CNTNAP4: variants seen among roughly 807,000 people sequenced by gnomAD.
CNTNAP4 encodes contactin associated protein family member 4.
Under a neutral mutation model 148.4 loss-of-function variants are expected in CNTNAP4, and 98 were observed. The ratio of observed to expected loss-of-function variants is 0.66; its 90% CI spans 0.56 to 0.78. The LOEUF (loss-of-function observed/expected upper bound fraction) is 0.78, where lower values mean the gene tolerates loss of function less well. Among genes scored for constraint, CNTNAP4 ranks in the 30% least tolerant of loss-of-function variants. CNTNAP4 has a pLI of 0.00. For synonymous variants in CNTNAP4, 730 were observed against 565.1 expected, an observed-to-expected ratio of 1.29 and a Z score of -4.14; for missense variants, 1,935 against 1,565.6, an observed-to-expected ratio of 1.24 and a Z score of -3.98.
chr16:76,347,565 T>G (rs974827528), intron 2 of CNTNAP4, among the ~76,000 whole-genome samples: 1 of 151,670 alleles, frequency 6.6e-6, no homozygotes, highest in African/African-American at 2.4e-5. Context: ...CAAATGGGAG[T>G]AGGACTGCGG....
chr16:76,406,885 T>G (rs2078615694), intron 3 of CNTNAP4, among the ~76,000 whole-genome samples: 1 of 152,140 alleles, frequency 6.6e-6, no homozygotes, highest in South Asian at 2.1e-4. Context: ...CAGCAAATCC[T>G]TAGGATGAAG....
intron 3 of CNTNAP4, among the ~76,000 whole-genome samples, chr16:76,412,396 A>T (rs1281949909): frequency 6.6e-6 from 1 of 151,440 alleles, no homozygotes; most frequent in African/African-American, 2.4e-5. Context: ...CTCATAAAAA[A>T]TGTATATATT....
At position 76,467,427 on chromosome 16, in the gene CNTNAP4, C is replaced by G; in HGVS notation, c.1559C>G (p.Ser520Cys). 1.2e-6 allele frequency: 2 copies of G among 1,613,874 alleles called. No homozygotes were observed. The highest frequency in any genetic ancestry group is 1.7e-6 in the Non-Finnish European group (2 of 1,179,846). ...GGFQGCMRLI[S>C]ISGKVVDLIS... Reference sequence around the variant, plus strand: ...TTTCAGGGATGTATGAGGCTCATTTCTATCAGCGGCAAAGTGGTAGATCTG... The same window carrying G: ...TTTCAGGGATGTATGAGGCTCATTTGTATCAGCGGCAAAGTGGTAGATCTG... Residue 520 changes from serine (S) to cysteine (C), a missense_variant, in exon 10 of 24, where the codon TCT becomes TGT. Coordinates refer to ENST00000611870, the MANE Select transcript of CNTNAP4 (RefSeq NM_033401.5).
chr16:76,529,998 T>C lies in CNTNAP4; in HGVS notation c.2756-5547T>C, dbSNP rs139442698. Among the ~76,000 whole-genome samples the C allele has an allele frequency of 4.7e-3, 710 of 152,282 alleles. 4 individuals are homozygous for C. The highest frequency in any genetic ancestry group is 0.017 in the African/African-American group (690 of 41,566). ...CCATTGGATAGCTTCCTTTATAAAGTGGCTGTTCAGATCTGTTGCCCGTTT... is the reference window on the plus strand; with the variant it reads ...CCATTGGATAGCTTCCTTTATAAAGCGGCTGTTCAGATCTGTTGCCCGTTT... On this transcript the variant is annotated intron_variant, in intron 17 of 23. Coordinates refer to ENST00000611870, the MANE Select transcript of CNTNAP4 (RefSeq NM_033401.5).
At chr16:76,445,479 T>C (rs1160319273) in intron 4 of CNTNAP4, among the ~76,000 whole-genome samples, 2 of 152,176 alleles carry the variant, frequency 1.3e-5, no homozygotes, top group Non-Finnish European at 2.9e-5. Flanking sequence ...TAGAATTGCA[T>C]TGTCGTGTAC....
At chr16:76,458,529 T>C (rs2080820408) in intron 8 of CNTNAP4, among the ~76,000 whole-genome samples, 1 of 152,046 alleles carries the variant, frequency 6.6e-6, no homozygotes, top group Non-Finnish European at 1.5e-5. Context: ...TTTGAGACAG[T>C]GACCATCAAG....
intron 3 of CNTNAP4, among the ~76,000 whole-genome samples, chr16:76,413,448 C>G (rs191269536): frequency 1.7e-4 from 25 of 151,456 alleles, no homozygotes; most frequent in South Asian, 1.0e-3. Flanking sequence ...AATCCACTCT[C>G]CATACATGCT....
rs189444676 is a variant in CNTNAP4 at position 76,516,559 on chromosome 16, A to G, written c.2366-4581A>G. The stretch of plus-strand genomic sequence containing the variant: ...CAATCCAGTGATTGTACTCTTGGGC[A>G]TTTTCCCCAGGGAACTGGCAACTTA... On this transcript the variant is annotated intron_variant, in intron 15 of 23. Coordinates refer to ENST00000611870, the MANE Select transcript of CNTNAP4 (RefSeq NM_033401.5). 2.4e-3 allele frequency among the ~76,000 whole-genome samples: 368 copies of G among 152,316 alleles called. 2 individuals are homozygous for G. The highest frequency in any genetic ancestry group is 7.9e-3 in the African/African-American group (328 of 41,580).
intron 12 of CNTNAP4, among the ~76,000 whole-genome samples, chr16:76,485,932 C>A (rs954712469): frequency 6.6e-6 from 1 of 152,180 alleles, no homozygotes; most frequent in South Asian, 2.1e-4. Context: ...CCTACCTGCT[C>A]TTAGGGTCTT....
rs149658030 is a variant in CNTNAP4 at position 76,479,429 on chromosome 16, G to A, written c.1773G>A (p.Glu591=). The change falls in exon 12 of 24, where the codon GAG becomes GAA. Residue 591 remains glutamate, a synonymous_variant. Coordinates refer to ENST00000611870, the MANE Select transcript of CNTNAP4 (RefSeq NM_033401.5). ...RGATCHNSIY[E]QSCEAYKHRG... ...TTTTTTTTCTTAAAGCTATCTATGA[G>A]CAGTCATGTGAAGCCTATAAGCACA... is the stretch of plus-strand genomic sequence containing the variant. The A allele has an allele frequency of 1.2e-4, 193 of 1,595,380 alleles. No homozygotes were observed. Among genetic ancestry groups the A allele is most frequent in the Non-Finnish European group, 1.6e-4 (182 of 1,171,682 alleles).
At chr16:76,469,081 C>G (rs1464655968) in intron 10 of CNTNAP4, among the ~76,000 whole-genome samples, 1 of 152,134 alleles carries the variant, frequency 6.6e-6, no homozygotes, top group African/African-American at 2.4e-5. Context: ...TAATATTTGT[C>G]AATCCTATTT....
chr16:76,369,338 A>C (rs9921559), intron 3 of CNTNAP4, among the ~76,000 whole-genome samples: 7,667 of 152,282 alleles, frequency 0.05, 622 homozygotes, highest in African/African-American at 0.17. Context: ...TGTTTAATAC[A>C]AGATAGACAG....
intron 3 of CNTNAP4, among the ~76,000 whole-genome samples, chr16:76,427,206 G>A (rs1708157204): frequency 6.6e-6 from 1 of 152,100 alleles, no homozygotes; most frequent in Non-Finnish European, 1.5e-5. Flanking sequence ...CAGGTATCGT[G>A]GTTGAAAACT....
intron 2 of CNTNAP4, among the ~76,000 whole-genome samples, chr16:76,323,268 G>A (rs547416682): frequency 6.3e-4 from 93 of 146,476 alleles, no homozygotes; most frequent in African/African-American, 2.1e-3. Context: ...GTGAATTAGG[G>A]TGATAGGATG....
At chr16:76,330,021 A>G (rs1963365419) in intron 2 of CNTNAP4, among the ~76,000 whole-genome samples, 1 of 152,168 alleles carries the variant, frequency 6.6e-6, no homozygotes, top group South Asian at 2.1e-4. Context: ...CACCTGTGCT[A>G]AAGGAAAAAC....
intron 3 of CNTNAP4, among the ~76,000 whole-genome samples, chr16:76,409,155 A>C (rs1251838702): frequency 6.6e-6 from 1 of 152,022 alleles, no homozygotes; most frequent in East Asian, 1.9e-4. Flanking sequence ...TAAGTGTAAA[A>C]TAAGCCCTAA....
intron 2 of CNTNAP4, among the ~76,000 whole-genome samples, chr16:76,345,847 G>A (rs1324538389): frequency 5.3e-5 from 8 of 152,178 alleles, no homozygotes; most frequent in African/African-American, 1.9e-4. Context: ...GAGGTCAGGA[G>A]CTTAAAGTCA....
Position 76,460,793 on chromosome 16 carries a change from T to TATATATATAC in CNTNAP4, c.1334-1161_1334-1160insATATATACAT, listed in dbSNP as rs1292198875. Among the ~76,000 whole-genome samples, 155 of 110,444 alleles carry TATATATATAC rather than the reference T, an allele frequency of 1.4e-3. 3 individuals carry two copies. The highest frequency in any genetic ancestry group is 5.5e-3 in the African/African-American group (147 of 26,786). The allele number at this position is 110,444 out of a possible 152,430, so 72.5% of individuals were successfully genotyped here. ...AAAAAAATATATATATATATATATATATTTAGAATTGTATATAAATATATA... is the reference window on the plus strand; with the variant it reads ...AAAAAAATATATATATATATATATATATATATATACATTTAGAATTGTATATAAATATATA... On this transcript the variant is annotated intron_variant, in intron 8 of 23. Transcript: ENST00000611870.
At chr16:76,442,695 T>G (rs114628574) in intron 4 of CNTNAP4, among the ~76,000 whole-genome samples, 2 of 152,036 alleles carry the variant, frequency 1.3e-5, no homozygotes, top group Non-Finnish European at 2.9e-5. Flanking sequence ...CTAATCAGTC[T>G]CATGAGAGAA....
Sources: allele counts gnomAD v4.1 joint callset (sites outside exome capture counted in the v4.1 genomes callset), GRCh38; gene constraint gnomAD v4.1.1; transcripts MANE v1.5; gene names NCBI Gene and HGNC (gene_info 2026-07-23, HGNC 2026-07-21).